The following ADAMTS16 variants were observed in gnomAD, a reference collection of about 807,000 sequenced individuals.
ADAMTS16 encodes the protein ADAM metallopeptidase with thrombospondin type 1 motif 16.
ADAMTS16 carries 94 observed loss-of-function variants against 145.8 expected under a neutral mutation model. That is an observed-to-expected ratio of 0.64 (90% CI 0.55 to 0.77). ADAMTS16 has a LOEUF of 0.77. ADAMTS16 is among the 30% of genes least tolerant of loss of function. The pLI is 0.00. For missense variants in ADAMTS16, 1,585 were observed against 1,591.5 expected (o/e 1.00, Z 0.07); for synonymous variants, 659 against 604.3 (o/e 1.09, Z -1.33).
chr5:5,315,835 T>C (rs1734039047), intron 21 of ADAMTS16, among the ~76,000 whole-genome samples: 1 of 152,232 alleles, frequency 6.6e-6, no homozygotes, highest in Non-Finnish European at 1.5e-5. Context: ...TTTTTCTACT[T>C]TCCGTAGTCA....
intron 18 of ADAMTS16, among the ~76,000 whole-genome samples, chr5:5,276,330 T>C (rs1405158872): frequency 1.3e-5 from 2 of 152,230 alleles, no homozygotes; most frequent in Non-Finnish European, 2.9e-5. Flanking sequence ...ATTGTCTTTA[T>C]TCTCTTCTAT....
chr5:5,297,874 G>T (rs1434316859), intron 18 of ADAMTS16, among the ~76,000 whole-genome samples: 1 of 152,172 alleles, frequency 6.6e-6, no homozygotes, highest in Non-Finnish European at 1.5e-5. Context: ...TCTCTCCTTG[G>T]GTTTCACAAA....
chr5:5,146,579 G>A, intron 3 of ADAMTS16, 124 bp downstream of exon 3: 1 of 1,080,560 alleles, frequency 9.3e-7, no homozygotes, highest in African/African-American at 1.6e-5. Flanking sequence ...AGATTAAGCA[G>A]GAGGAATATT....
intron 17 of ADAMTS16, among the ~76,000 whole-genome samples, chr5:5,246,752 C>A (rs183086258): frequency 6.6e-6 from 1 of 152,160 alleles, no homozygotes; most frequent in East Asian, 1.9e-4. Flanking sequence ...ATCGGGGAAT[C>A]GAGTACTTCG....
intron 21 of ADAMTS16, among the ~76,000 whole-genome samples, chr5:5,309,552 G>T (rs906529227): frequency 2.6e-5 from 4 of 152,136 alleles, no homozygotes; most frequent in Non-Finnish European, 5.9e-5. Flanking sequence ...CTAATATTCC[G>T]TCTTTAGAGA....
At chr5:5,286,717 G>C (rs564482596) in intron 18 of ADAMTS16, among the ~76,000 whole-genome samples, 2,690 of 151,892 alleles carry the variant, frequency 0.018, 48 homozygotes, top group Non-Finnish European at 0.028. Context: ...AATTACCCAG[G>C]TGCGGTGGCG....
At position 5,186,062 on chromosome 5, in the gene ADAMTS16, G is replaced by A; in HGVS notation, c.774G>A (p.Gln258=). Reference sequence around the variant, plus strand: ...TGTGTCCCTCCATAGACATGCCCCAGCCTCCCAAGGAAGACCTCTTCATCT... The same window carrying A: ...TGTGTCCCTCCATAGACATGCCCCAACCTCCCAAGGAAGACCTCTTCATCT... ...FCGRRKKYMP[Q]PPKEDLFILP... Residue 258 remains glutamine, a synonymous_variant, in exon 5 of 23, where the codon CAG becomes CAA. Coordinates refer to ENST00000274181, the MANE Select transcript of ADAMTS16 (RefSeq NM_139056.4). 6.2e-7 allele frequency: 1 copy of A among 1,612,940 alleles called. No homozygotes were observed. The highest frequency in any genetic ancestry group is 1.7e-4 in the Middle Eastern group (1 of 6,042).
intron 18 of ADAMTS16, among the ~76,000 whole-genome samples, chr5:5,263,087 C>G (rs1193983393): frequency 2.0e-5 from 3 of 152,194 alleles, no homozygotes. Context: ...GATAATGATG[C>G]ATTCTCTCTG....
chr5:5,173,902 A>G (rs1288611801), intron 3 of ADAMTS16, among the ~76,000 whole-genome samples: 1 of 152,190 alleles, frequency 6.6e-6, no homozygotes, highest in Non-Finnish European at 1.5e-5. Flanking sequence ...TTTTAGTCTT[A>G]TTTCTCAAAA....
At chr5:5,253,634 C>G (rs141797360) in intron 17 of ADAMTS16, among the ~76,000 whole-genome samples, 57 of 152,284 alleles carry the variant, frequency 3.7e-4, no homozygotes, top group African/African-American at 1.3e-3. Flanking sequence ...GCAACCCGCA[C>G]TTCCTGCTTG....
chr5:5,295,771 A>C (rs1218388018), intron 18 of ADAMTS16, among the ~76,000 whole-genome samples: 1 of 152,148 alleles, frequency 6.6e-6, no homozygotes, highest in Non-Finnish European at 1.5e-5. Flanking sequence ...TCCAGAGAAT[A>C]CTCTAGTGCT....
chr5:5,312,756 C>A (rs917250604), intron 21 of ADAMTS16, among the ~76,000 whole-genome samples: 1 of 152,202 alleles, frequency 6.6e-6, no homozygotes, highest in Non-Finnish European at 1.5e-5. Flanking sequence ...CTGCACCCAG[C>A]CCCCTTCCTT....
At chr5:5,143,181 G>A (rs1460916407) in intron 2 of ADAMTS16, among the ~76,000 whole-genome samples, 1 of 152,136 alleles carries the variant, frequency 6.6e-6, no homozygotes, top group African/African-American at 2.4e-5. Flanking sequence ...TATCATCAGA[G>A]TGAACAGGCA....
At chr5:5,267,857 C>T (rs1738303340) in intron 18 of ADAMTS16, among the ~76,000 whole-genome samples, 1 of 152,210 alleles carries the variant, frequency 6.6e-6, no homozygotes, top group Non-Finnish European at 1.5e-5. Context: ...CCAGCACTTC[C>T]CTGCCCCGCT....
At chr5:5,237,341 C>G (rs1453991359) in intron 14 of ADAMTS16, among the ~76,000 whole-genome samples, 1 of 152,048 alleles carries the variant, frequency 6.6e-6, no homozygotes, top group Admixed American at 6.6e-5. Context: ...CTGGGACATT[C>G]GTGGGGCTCC....
In ADAMTS16 at chr5:5,146,370, T is replaced by C. The variant is rs1276834512; in HGVS notation, c.416T>C (p.Leu139Ser). 3 of 1,614,078 alleles carry C rather than the reference T, an allele frequency of 1.9e-6. No homozygotes were observed. The highest frequency in any genetic ancestry group is 1.7e-5 in the Admixed American group (1 of 60,006). The part of the protein sequence containing the change: ...GKTGTKSVQT[L>S]PPEDFCFYQG... ...ACAGGCACTAAGTCTGTGCAGACTT[T>C]ACCGCCAGAGGACTTCTGTTTCTAT... is the stretch of plus-strand genomic sequence containing the variant. Residue 139 changes from leucine to serine, a missense_variant, in exon 3 of 23, where the codon TTA becomes TCA. Physicochemically the swap from Leu to Ser is moderately radical, Grantham distance 145. Around this residue, in one of 3 missense-constraint regions of ADAMTS16, gnomAD observed 453 missense variants for 412.1 expected, o/e 1.10. Coordinates refer to ENST00000274181, the MANE Select transcript of ADAMTS16 (RefSeq NM_139056.4).
At chr5:5,249,819 A>G (rs1737566653) in intron 17 of ADAMTS16, among the ~76,000 whole-genome samples, 1 of 152,116 alleles carries the variant, frequency 6.6e-6, no homozygotes, top group Non-Finnish European at 1.5e-5. Flanking sequence ...TAATCATGTC[A>G]CAGGAACAAA....
At chr5:5,165,873 T>C (rs1159488734) in intron 3 of ADAMTS16, among the ~76,000 whole-genome samples, 3 of 152,158 alleles carry the variant, frequency 2.0e-5, no homozygotes, top group African/African-American at 7.2e-5. Context: ...CACATGTGCG[T>C]GCCTGGCTTT....
At chr5:5,201,868 C>T (rs891523923) in intron 9 of ADAMTS16, among the ~76,000 whole-genome samples, 1 of 152,210 alleles carries the variant, frequency 6.6e-6, no homozygotes, top group East Asian at 1.9e-4. Context: ...CTCAACCGGC[C>T]TCTCTGGTTC....
Sources: allele counts gnomAD v4.1 joint callset (sites outside exome capture counted in the v4.1 genomes callset), GRCh38; gene constraint gnomAD v4.1.1; regional missense constraint gnomAD v4.1.1; transcripts MANE v1.5; gene names NCBI Gene and HGNC (gene_info 2026-07-23, HGNC 2026-07-21).